Variants in CACNB4 observed in about 807,000 individuals in gnomAD.
The protein encoded by CACNB4 is calcium voltage-gated channel auxiliary subunit beta 4.
CACNB4 carries 32 observed loss-of-function variants against 71.2 expected under a neutral mutation model. The observed-to-expected ratio is 0.45, with a 90% CI of 0.34 to 0.60. The LOEUF is 0.60. CACNB4 is among the 20% of genes least tolerant of loss of function. The pLI is 0.01. For synonymous variants in CACNB4, 231 were observed against 236.9 expected (o/e 0.97, Z 0.23); for missense variants, 464 against 647.9 (o/e 0.72, Z 3.08).
chr2:151,947,253 G>C (rs2099865822), intron 2 of CACNB4, among the ~76,000 whole-genome samples: 1 of 152,204 alleles, frequency 6.6e-6, no homozygotes, highest in Non-Finnish European at 1.5e-5. Flanking sequence ...AAGATGGAAA[G>C]AGAAGATGTC....
At chr2:152,088,300 A>G (rs1687778937) in intron 2 of CACNB4, among the ~76,000 whole-genome samples, 1 of 152,198 alleles carries the variant, frequency 6.6e-6, no homozygotes. Flanking sequence ...GCATTGGGCC[A>G]TTTAAGAAGA....
intron 2 of CACNB4, among the ~76,000 whole-genome samples, chr2:152,082,168 C>T (rs1177648891): frequency 6.6e-6 from 1 of 152,222 alleles, no homozygotes; most frequent in South Asian, 2.1e-4. Flanking sequence ...CCTTGACAGC[C>T]CACTCTATTC....
chr2:151,986,294 A>C (rs1681365991), intron 2 of CACNB4, among the ~76,000 whole-genome samples: 1 of 152,212 alleles, frequency 6.6e-6, no homozygotes, highest in Non-Finnish European at 1.5e-5. Flanking sequence ...TATACCCAAC[A>C]CCTGGAGGAA....
chr2:151,873,989 G>A (rs2099845278), intron 5 of CACNB4: 1 of 152,254 alleles, frequency 6.6e-6, no homozygotes, highest in African/African-American at 2.4e-5. Context: ...GTTTAAAAGT[G>A]TGTGGCACCT....
chr2:151,847,934 A>G (rs1364409872), intron 12 of CACNB4, among the ~76,000 whole-genome samples: 2 of 152,226 alleles, frequency 1.3e-5, no homozygotes, highest in Non-Finnish European at 2.9e-5. Flanking sequence ...CAGGAAAGAT[A>G]ATCATAATTC....
chr2:151,909,683 G>A (rs1480214196), intron 2 of CACNB4, among the ~76,000 whole-genome samples: 2 of 151,924 alleles, frequency 1.3e-5, no homozygotes, highest in African/African-American at 2.4e-5. Flanking sequence ...TTTGGTTTTC[G>A]TTCTTGTGTT....
intron 2 of CACNB4, among the ~76,000 whole-genome samples, chr2:152,071,911 C>T (rs999987661): frequency 1.3e-5 from 2 of 152,166 alleles, no homozygotes; most frequent in Admixed American, 6.5e-5. Context: ...ACCACTCCTG[C>T]CATTTAGGAA....
intron 2 of CACNB4, among the ~76,000 whole-genome samples, chr2:151,944,028 T>A (rs2099864935): frequency 8.2e-5 from 1 of 12,262 alleles, no homozygotes; most frequent in Non-Finnish European, 2.0e-3. Flanking sequence ...ACTTTCTTTC[T>A]TTTTTTTTTT....
intron 8 of CACNB4, 140 bp from the exon 9 acceptor site, chr2:151,869,375 C>T: frequency 1.7e-6 from 1 of 585,460 alleles, no homozygotes; most frequent in Non-Finnish European, 3.1e-6. Flanking sequence ...GGGAGGTTAC[C>T]ATGGAAGGTG....
chr2:151,842,087 T>C lies in CACNB4; in HGVS notation c.1118A>G (p.Glu373Gly). ...TTCATCCAATATAACATCAAACATT[T>C]CCTGTAGATGACAAGAAAATCCACT... ...AADKLAQCPP[E>G]MFDVILDENQ... Residue 373 changes from glutamate (E) to glycine (G), a missense_variant and splice_region_variant, in exon 13 of 14, where the codon GAA (glutamate) becomes GGA (glycine). Around this residue, in one of 3 missense-constraint regions of CACNB4, gnomAD observed 299 missense variants for 471.7 expected, o/e 0.63. Transcript: ENST00000539935. 1.2e-6 allele frequency: 2 copies of C among 1,613,280 alleles called. No individual in the cohort carries two copies. The highest frequency in any genetic ancestry group is 1.7e-6 in the Non-Finnish European group (2 of 1,179,484).
At chr2:152,036,190 T>C (rs1220763442) in intron 2 of CACNB4, among the ~76,000 whole-genome samples, 2 of 152,222 alleles carry the variant, frequency 1.3e-5, no homozygotes, top group African/African-American at 2.4e-5. Flanking sequence ...GTTCAATGGA[T>C]ATAGAATTTC....
At chr2:152,035,628 T>TCC (rs1491582111) in intron 2 of CACNB4, among the ~76,000 whole-genome samples, 3 of 84,678 alleles carry the variant, frequency 3.5e-5, no homozygotes, top group African/African-American at 5.5e-5. Context: ...TCCCTCCCTC[T>TCC]CCCTCTCTCT....
chr2:151,890,137 C>T (rs888859946), intron 2 of CACNB4, among the ~76,000 whole-genome samples: 12 of 152,024 alleles, frequency 7.9e-5, no homozygotes, highest in African/African-American at 2.7e-4. Context: ...ATTATATCGC[C>T]GAGATAACTT....
chr2:152,054,226 C>T (rs1275841399), intron 2 of CACNB4, among the ~76,000 whole-genome samples: 7 of 151,716 alleles, frequency 4.6e-5, no homozygotes, highest in Non-Finnish European at 1.5e-5. Context: ...ATTAGCCGGG[C>T]GTGGTGGCGC....
At chr2:152,095,234 G>A (rs1354393065) in intron 2 of CACNB4, among the ~76,000 whole-genome samples, 2 of 152,170 alleles carry the variant, frequency 1.3e-5, no homozygotes, top group African/African-American at 2.4e-5. Flanking sequence ...TCCTCAGAGT[G>A]GAAGCAGGCT....
intron 2 of CACNB4, among the ~76,000 whole-genome samples, chr2:151,988,835 T>C (rs1681524875): frequency 1.3e-5 from 2 of 152,172 alleles, no homozygotes; most frequent in South Asian, 4.1e-4. Flanking sequence ...GATTTCAACC[T>C]ATGAACTGGG....
intron 12 of CACNB4, among the ~76,000 whole-genome samples, chr2:151,846,586 T>A (rs114738523): frequency 0.01 from 1,543 of 152,268 alleles, 25 homozygotes; most frequent in African/African-American, 0.035. Context: ...AGGGTCTCAC[T>A]CCAACGCCCA....
chr2:152,026,683 A>G (rs938771975), intron 2 of CACNB4, among the ~76,000 whole-genome samples: 6 of 151,504 alleles, frequency 4.0e-5, no homozygotes, highest in Admixed American at 3.3e-4. Flanking sequence ...CTCGGCCTCC[A>G]CTCCCTTTTA....
intron 2 of CACNB4, among the ~76,000 whole-genome samples, chr2:152,073,257 T>C (rs981024806): frequency 6.6e-5 from 10 of 152,136 alleles, no homozygotes; most frequent in African/African-American, 1.9e-4. Context: ...AAATCCAGCA[T>C]AATGATTTCC....
Sources: allele counts gnomAD v4.1 joint callset (sites outside exome capture counted in the v4.1 genomes callset), GRCh38; gene constraint gnomAD v4.1.1; regional missense constraint gnomAD v4.1.1; transcripts MANE v1.5; gene names NCBI Gene and HGNC (gene_info 2026-07-23, HGNC 2026-07-21).